Variants in HS3ST1 observed in about 807,000 individuals in gnomAD.
The protein encoded by HS3ST1 is heparan sulfate glucosamine 3-O-sulfotransferase 1.
Under a neutral mutation model 20.7 loss-of-function variants are expected in HS3ST1, and 8 were observed. The observed-to-expected ratio is 0.39, with a 90% CI of 0.23 to 0.70. The LOEUF (loss-of-function observed/expected upper bound fraction) is 0.70, where lower values mean the gene tolerates loss of function less well. Among genes scored for constraint, HS3ST1 ranks in the 30% least tolerant of loss-of-function variants. The probability of loss-of-function intolerance (pLI) is 0.46; values close to 1 mark genes in which losing one functional copy is unlikely to be tolerated. For synonymous variants in HS3ST1, 205 were observed against 190.4 expected, an observed-to-expected ratio of 1.08 and a Z score of -0.63; for missense variants, 436 against 423.4, an observed-to-expected ratio of 1.03 and a Z score of -0.26.
At chr4:11,431,077 A>G (rs772465727), upstream of HS3ST1, among the ~76,000 whole-genome samples, 8 of 152,180 alleles carry the variant, frequency 5.3e-5, no homozygotes, top group Non-Finnish European at 8.8e-5. Flanking sequence ...TGACAACACA[A>G]TCACATTATT....
At chr4:11,424,243 T>C (rs16881670) in intron 1 of HS3ST1, among the ~76,000 whole-genome samples, 3,343 of 152,206 alleles carry the variant, frequency 0.022, 93 homozygotes, top group African/African-American at 0.064. Context: ...AAAAGCATAA[T>C]GTATTAGAGA....
chr4:11,418,275 TC>T (rs754745472), intron 1 of HS3ST1, among the ~76,000 whole-genome samples: 1 of 152,206 alleles, frequency 6.6e-6, no homozygotes, highest in Non-Finnish European at 1.5e-5. Context: ...AATCTGCTTT[TC>T]AATCAAAATC....
At chr4:11,426,370 C>CG (rs1021026118) in intron 1 of HS3ST1, among the ~76,000 whole-genome samples, 3 of 151,528 alleles carry the variant, frequency 2.0e-5, no homozygotes, top group South Asian at 4.2e-4. Flanking sequence ...GAGGCCCCCC[C>CG]CCCAACCCTC....
intron 1 of HS3ST1, among the ~76,000 whole-genome samples, chr4:11,412,365 G>A (rs77328837): frequency 0.025 from 3,761 of 152,260 alleles, 88 homozygotes; most frequent in Middle Eastern, 0.062. Context: ...ATGCTTTAGA[G>A]GATTGAGAAA....
At chr4:11,410,371 C>T (rs1230941010) in intron 1 of HS3ST1, among the ~76,000 whole-genome samples, 1 of 152,198 alleles carries the variant, frequency 6.6e-6, no homozygotes, top group Admixed American at 6.5e-5. Flanking sequence ...CAGCAAAGAT[C>T]ATGTTCGAAC....
Position 11,426,248 on chromosome 4 carries a change from T to C in HS3ST1, c.-109+2451A>G, listed in dbSNP as rs543663470. Among the ~76,000 whole-genome samples, 758 of 152,182 alleles carry C rather than the reference T, an allele frequency of 5.0e-3. 12 individuals are homozygous for C. The highest frequency in any genetic ancestry group is 0.017 in the African/African-American group (708 of 41,510). ...AGCTGCTATGTTCTCAGAAAGGCAG[T>C]GTGCATGAGTGAAGCAATTTACACC... On this transcript the variant is annotated intron_variant, in intron 1 of 1. Transcript: ENST00000002596.
intron 1 of HS3ST1, among the ~76,000 whole-genome samples, chr4:11,426,478 T>C (rs1458154135): frequency 6.6e-6 from 1 of 152,092 alleles, no homozygotes; most frequent in Non-Finnish European, 1.5e-5. Flanking sequence ...GGCTTCATTC[T>C]AGACATAACC....
intron 1 of HS3ST1, among the ~76,000 whole-genome samples, chr4:11,408,993 C>G (rs1718542276): frequency 6.6e-6 from 1 of 152,230 alleles, no homozygotes; most frequent in African/African-American, 2.4e-5. Context: ...TCAGGAAAGA[C>G]ACACAAGGCA....
chr4:11,429,673 T>TTC (rs71181102), upstream of HS3ST1: 2 of 133,952 alleles, frequency 1.5e-5, no homozygotes, highest in Non-Finnish European at 3.2e-5. Context: ...TTTTTTTTTT[T>TTC]CCGCTAGTGC....
intron 1 of HS3ST1, among the ~76,000 whole-genome samples, chr4:11,421,249 C>T (rs1718926759): frequency 6.6e-6 from 1 of 152,174 alleles, no homozygotes; most frequent in Non-Finnish European, 1.5e-5. Context: ...CTAGTGAGAA[C>T]CAGGCCAGAA....
chr4:11,401,483 T>G (rs1244085159), intron 1 of HS3ST1, among the ~76,000 whole-genome samples: 1 of 152,108 alleles, frequency 6.6e-6, no homozygotes, highest in Non-Finnish European at 1.5e-5. Flanking sequence ...TAGCTGAGAT[T>G]ACAGGCATGT....
chr4:11,400,319 A>G lies in HS3ST1; in HGVS notation c.-108-206T>C, dbSNP rs147455638. Among the ~76,000 whole-genome samples the G allele has an allele frequency of 8.5e-5, 13 of 152,200 alleles. No homozygotes were observed. In the East Asian group the frequency reaches 2.5e-3, roughly 29 times the overall value. On this transcript the variant is annotated intron_variant, in intron 1 of 1. Transcript: ENST00000002596. ...GCTTTAGGGGACATACTTTATGCCA[A>G]CTCCAACTCCAACCGTGCTATTATA...
At chr4:11,402,079 A>G (rs907534232) in intron 1 of HS3ST1, among the ~76,000 whole-genome samples, 5 of 152,252 alleles carry the variant, frequency 3.3e-5, no homozygotes, top group African/African-American at 1.2e-4. Flanking sequence ...CATCTTTTGT[A>G]CGGTAGTTTC....
In HS3ST1 at chr4:11,399,707, A is replaced by C. The variant is rs1718262494; in HGVS notation, c.299T>G (p.Leu100Trp). The change falls in exon 2 of 2, where the codon TTG becomes TGG. Residue 100 changes from leucine to tryptophan, a missense_variant. Coordinates refer to ENST00000002596, the MANE Select transcript of HS3ST1 (RefSeq NM_005114.4). The surrounding 1 kb of genome is among the most constrained non-coding windows in gnomAD (Gnocchi z 5.1). ...GGGCATCTGGCTGAGGTACCAGCCC[A>C]AGCCGTGGCTGTAATGCTCCTCCCA... ...FDWEEHYSHG[L>W]GWYLSQMPFS... 1 of 1,613,908 alleles carries C rather than the reference A, an allele frequency of 6.2e-7. No homozygotes were observed. The highest frequency in any genetic ancestry group is 1.1e-5 in the South Asian group (1 of 91,086).
intron 1 of HS3ST1, among the ~76,000 whole-genome samples, chr4:11,407,799 A>G (rs1718510198): frequency 1.3e-5 from 2 of 152,354 alleles, no homozygotes; most frequent in South Asian, 2.1e-4. Flanking sequence ...TGCAGATTCT[A>G]ATGCAAGAGG....
At chr4:11,431,106 T>C (rs1267830436), upstream of HS3ST1, among the ~76,000 whole-genome samples, 1 of 152,152 alleles carries the variant, frequency 6.6e-6, no homozygotes, top group Non-Finnish European at 1.5e-5. Flanking sequence ...TATTTAGGGA[T>C]CTGTCTTCTC....
chr4:11,427,699 G>A (rs1179298972), intron 1 of HS3ST1, among the ~76,000 whole-genome samples: 1 of 152,246 alleles, frequency 6.6e-6, no homozygotes, highest in East Asian at 1.9e-4. Context: ...GGAATCGCTG[G>A]CTCCCAGGGG....
chr4:11,430,945 T>C (rs976357258), upstream of HS3ST1, among the ~76,000 whole-genome samples: 1 of 152,226 alleles, frequency 6.6e-6, no homozygotes, highest in Non-Finnish European at 1.5e-5. Context: ...TGTTCTTACT[T>C]AGTTTTATGT....
chr4:11,404,536 A>C (rs1415364296), intron 1 of HS3ST1, among the ~76,000 whole-genome samples: 9 of 152,224 alleles, frequency 5.9e-5, no homozygotes, highest in African/African-American at 1.9e-4. Flanking sequence ...GAGGTCTTTA[A>C]GTGTGGAACA....
Sources: gnomAD v4.1 joint callset for allele counts (sites outside exome capture counted in the v4.1 genomes callset) on GRCh38, gnomAD v4.1.1 for gene constraint, Gnocchi (gnomAD v3.1) non-coding constraint, MANE v1.5 for transcripts, NCBI Gene and HGNC (gene_info 2026-07-23, HGNC 2026-07-21) for gene names.